Variants in PRDM5 observed in about 807,000 individuals in gnomAD.
The protein encoded by PRDM5 is PR domain zinc finger protein 5.
In PRDM5, 56 loss-of-function variants were observed where a neutral mutation model predicts 81.2. The ratio of observed to expected loss-of-function variants is 0.69; its 90% CI spans 0.56 to 0.86. The LOEUF (loss-of-function observed/expected upper bound fraction) is 0.86, where lower values mean the gene tolerates loss of function less well. Ranked by LOEUF, PRDM5 falls within the 40% of genes least tolerant of loss-of-function variation. PRDM5 has a pLI of 0.00. For missense variants in PRDM5, 697 were observed against 770.1 expected, an observed-to-expected ratio of 0.91 and a Z score of 1.12; for synonymous variants, 267 against 256.4, an observed-to-expected ratio of 1.04 and a Z score of -0.39.
chr4:120,814,308 T>C (rs936501189), intron 7 of PRDM5, among the ~76,000 whole-genome samples: 1 of 152,218 alleles, frequency 6.6e-6, no homozygotes, highest in Non-Finnish European at 1.5e-5. Context: ...CTAGATGTTA[T>C]ACTGTCTTAA....
intron 13 of PRDM5, among the ~76,000 whole-genome samples, chr4:120,760,623 T>C (rs1033096): frequency 0.14 from 22,019 of 152,162 alleles, 2,406 homozygotes; most frequent in African/African-American, 0.29. Flanking sequence ...GTGTTTTCTT[T>C]GAACAACACA....
rs201945549 is a variant in PRDM5, at chr4:120,853,470, C to T, written c.248G>A (p.Arg83His). 198 of 1,613,734 alleles carry T rather than the reference C, an allele frequency of 1.2e-4. No homozygotes were observed. The highest frequency in any genetic ancestry group is 1.6e-4 in the Non-Finnish European group (187 of 1,179,742). The change falls in exon 3 of 16, where the codon CGC (arginine) becomes CAC (histidine). Residue 83 changes from arginine (R) to histidine (H), a missense_variant. Arg to His is a conservative substitution (Grantham distance 29, BLOSUM62 0). Around this residue, in one of 3 missense-constraint regions of PRDM5, gnomAD observed 577 missense variants for 606.7 expected, o/e 0.95. Transcript: ENST00000264808. The part of the protein sequence containing the change: ...ATNPRHSNWL[R>H]FVHEAPSQEQ... ...CTGAGATGGTGCCTCATGAACGAAG[C>T]GAAGCCAGTTGGAGTGCCGTGGGTT... is the stretch of plus-strand genomic sequence containing the variant.
intron 3 of PRDM5, among the ~76,000 whole-genome samples, chr4:120,847,219 A>T (rs1758754430): frequency 6.6e-6 from 1 of 152,076 alleles, no homozygotes; most frequent in African/African-American, 2.4e-5. Flanking sequence ...CACTGTGCCA[A>T]GGTTGGCCTG....
intron 10 of PRDM5, among the ~76,000 whole-genome samples, chr4:120,790,528 T>A (rs1004858497): frequency 6.6e-6 from 1 of 152,196 alleles, no homozygotes; most frequent in Non-Finnish European, 1.5e-5. Context: ...CTAAAGAAAT[T>A]GGTAATTTTT....
intron 14 of PRDM5, among the ~76,000 whole-genome samples, chr4:120,733,322 C>A (rs564641017): frequency 2.0e-5 from 3 of 152,184 alleles, no homozygotes; most frequent in Non-Finnish European, 4.4e-5. Flanking sequence ...GCCTGCCTGA[C>A]CCCCACCTCA....
rs70948365 is a variant in PRDM5 at position 120,872,150 on chromosome 4, C to CAAAAAAAA, written c.178-18618_178-18611dup. Among the ~76,000 whole-genome samples the CAAAAAAAA allele has an allele frequency of 2.6e-3, 110 of 41,832 alleles. 14 individuals are homozygous for CAAAAAAAA. The highest frequency in any genetic ancestry group is 0.012 in the African/African-American group (101 of 8,370). 27.4% of individuals were successfully genotyped at this position (41,832 alleles called of 152,430 possible). A position where few individuals can be genotyped will look rare whatever the true frequency, so the allele number is the denominator to read the frequency against. On this transcript the variant is annotated intron_variant, in intron 2 of 15. Coordinates refer to ENST00000264808, the MANE Select transcript of PRDM5 (RefSeq NM_018699.4). ...TGGGCGACAGAGCAAGACTCCATCT[C>CAAAAAAAA]AAAAAAAAAAAAAAAAAAAAAAAAC...
intron 8 of PRDM5, among the ~76,000 whole-genome samples, chr4:120,808,469 A>C (rs1325079103): frequency 6.6e-6 from 1 of 152,130 alleles, no homozygotes; most frequent in East Asian, 1.9e-4. Context: ...CAGAGTACCA[A>C]TTGGTGTATT....
intron 13 of PRDM5, 135 bp from the exon 14 acceptor site, chr4:120,754,773 G>T: frequency 1.4e-6 from 1 of 711,846 alleles, no homozygotes; most frequent in Non-Finnish European, 2.5e-6. Context: ...TCCAGGCACA[G>T]CAGGGCAGAT....
At chr4:120,880,060 A>T (rs777597021) in intron 2 of PRDM5, among the ~76,000 whole-genome samples, 4 of 152,190 alleles carry the variant, frequency 2.6e-5, no homozygotes, top group Non-Finnish European at 4.4e-5. Flanking sequence ...CAAATGTAAC[A>T]AGTGTACTGC....
chr4:120,864,821 G>A (rs1174122013), intron 2 of PRDM5, among the ~76,000 whole-genome samples: 1 of 152,122 alleles, frequency 6.6e-6, no homozygotes, highest in East Asian at 1.9e-4. Context: ...CAATTAAATG[G>A]GAACAGAAGC....
intron 2 of PRDM5, chr4:120,896,900 G>T (rs966869410): frequency 6.6e-6 from 1 of 151,580 alleles, no homozygotes; most frequent in Non-Finnish European, 1.5e-5. Context: ...CGCTAGGATG[G>T]TCTCAATCTC....
At chr4:120,702,512 T>A (rs1015272873) in intron 15 of PRDM5, among the ~76,000 whole-genome samples, 2 of 152,220 alleles carry the variant, frequency 1.3e-5, no homozygotes, top group Admixed American at 1.3e-4. Flanking sequence ...TGATTTGCGT[T>A]ATTTTTTTAT....
At position 120,785,064 on chromosome 4, in the gene PRDM5, A is replaced by G. The variant is rs1443088108; in HGVS notation, c.1216T>C (p.Cys406Arg). The G allele has an allele frequency of 5.6e-6, 9 of 1,611,576 alleles. No homozygotes were observed. Among genetic ancestry groups the G allele is most frequent in the Non-Finnish European group, 7.6e-6 (9 of 1,178,110 alleles). ...CGGAACAAAGCTTTACATTCTTCACATTGGAACGGTCTCTCCTCAGAGTGG... is the reference window on the plus strand; with the variant it reads ...CGGAACAAAGCTTTACATTCTTCACGTTGGAACGGTCTCTCCTCAGAGTGG... ...KTHSEERPFQ[C>R]EECKALFRTP... The change falls in exon 11 of 16, where the codon TGT becomes CGT. Residue 406 changes from cysteine to arginine, a missense_variant. Coordinates refer to ENST00000264808, the MANE Select transcript of PRDM5 (RefSeq NM_018699.4).
intron 8 of PRDM5, among the ~76,000 whole-genome samples, chr4:120,809,698 G>A (rs1366327808): frequency 6.6e-6 from 1 of 152,186 alleles, no homozygotes; most frequent in Non-Finnish European, 1.5e-5. Flanking sequence ...CTGGCAAGGT[G>A]AAATACTGCA....
chr4:120,861,891 C>A (rs4833188), intron 2 of PRDM5, among the ~76,000 whole-genome samples: 14,917 of 151,968 alleles, frequency 0.098, 954 homozygotes, highest in Non-Finnish European at 0.15. Context: ...AACAAAAGAA[C>A]ATCATGTAAT....
At chr4:120,851,843 T>A (rs17051270) in intron 3 of PRDM5, among the ~76,000 whole-genome samples, 18,281 of 152,190 alleles carry the variant, frequency 0.12, 1,308 homozygotes, top group East Asian at 0.16. Flanking sequence ...TTTCTACGAA[T>A]AAATGACCAC....
intron 14 of PRDM5, among the ~76,000 whole-genome samples, chr4:120,712,404 T>C (rs1366563511): frequency 2.0e-5 from 3 of 152,156 alleles, no homozygotes; most frequent in African/African-American, 7.2e-5. Flanking sequence ...TGCAGACCTA[T>C]AAAAAACAGT....
intron 14 of PRDM5, among the ~76,000 whole-genome samples, chr4:120,721,336 C>A (rs1738571694): frequency 6.6e-6 from 1 of 152,166 alleles, no homozygotes; most frequent in South Asian, 2.1e-4. Flanking sequence ...ATGCCTAGGG[C>A]CCACCCTCAC....
At chr4:120,709,144 T>C (rs7662042) in intron 15 of PRDM5, among the ~76,000 whole-genome samples, 21,122 of 152,218 alleles carry the variant, frequency 0.14, 1,682 homozygotes, top group Middle Eastern at 0.22. Context: ...ATGAGTTAAA[T>C]GTCATGGTAG....
Sources: allele counts gnomAD v4.1 joint callset (sites outside exome capture counted in the v4.1 genomes callset), GRCh38; gene constraint gnomAD v4.1.1; regional missense constraint gnomAD v4.1.1; transcripts MANE v1.5; gene names NCBI Gene and HGNC (gene_info 2026-07-23, HGNC 2026-07-21).